Variants in PROM1 observed in about 807,000 individuals in gnomAD.
PROM1 encodes the protein prominin-1.
A neutral mutation model predicts 116.9 loss-of-function variants in PROM1; 105 were observed. The ratio of observed to expected loss-of-function variants is 0.90; its 90% confidence interval spans 0.77 to 1.06. PROM1 has a LOEUF of 1.06. Among genes scored for constraint, PROM1 ranks in the 50% least tolerant of loss-of-function variants. PROM1 has a pLI of 0.00. For synonymous variants in PROM1, 393 were observed against 387.0 expected (o/e 1.02, Z -0.18); for missense variants, 1,122 against 1,045.2 (o/e 1.07, Z -1.01).
chr4:15,999,379 G>C, intron 14 of PROM1, among the ~76,000 whole-genome samples: 1 of 151,926 alleles, frequency 6.6e-6, no homozygotes, highest in East Asian at 2.0e-4. Flanking sequence ...GCTGAGGCAG[G>C]AGAATGGCAT....
At chr4:16,006,415 C>T (rs1401505075) in intron 13 of PROM1, 123 bp downstream of exon 13, 3 of 1,207,900 alleles carry the variant, frequency 2.5e-6, no homozygotes, top group African/African-American at 1.5e-5. Context: ...CTCCTCGCGA[C>T]CTGGGAGCTG....
chr4:15,983,739 C>T (rs561356119), intron 23 of PROM1, among the ~76,000 whole-genome samples: 1 of 152,116 alleles, frequency 6.6e-6, no homozygotes, highest in Non-Finnish European at 1.5e-5. Flanking sequence ...TATGAGGAAT[C>T]CTGATCTTTA....
intron 23 of PROM1, among the ~76,000 whole-genome samples, chr4:15,982,385 T>TTC (rs1315868869): frequency 6.6e-6 from 1 of 152,214 alleles, no homozygotes; most frequent in African/African-American, 2.4e-5. Flanking sequence ...TCTGTTAGAT[T>TTC]TCTGTTTTCA....
intron 2 of PROM1, among the ~76,000 whole-genome samples, chr4:16,047,999 T>C (rs1401436780): frequency 1.3e-5 from 2 of 152,206 alleles, no homozygotes; most frequent in African/African-American, 4.8e-5. Context: ...AAATGCCTTT[T>C]GAAAAGACTT....
intron 14 of PROM1, 149 bp downstream of exon 14, chr4:16,000,347 A>G (rs1723450971): frequency 1.5e-6 from 1 of 655,170 alleles, no homozygotes; most frequent in Admixed American, 4.1e-5. Flanking sequence ...ATATTTGAAA[A>G]TTTATTGAAT....
intron 19 of PROM1, among the ~76,000 whole-genome samples, chr4:15,988,684 T>C (rs1404947903): frequency 6.6e-6 from 1 of 152,222 alleles, no homozygotes; most frequent in Non-Finnish European, 1.5e-5. Context: ...CAAAGGGTCC[T>C]GTGTACTTGG....
rs371004406 is a variant in PROM1 at position 15,985,768 on chromosome 4, C to G, written c.2272G>C (p.Glu758Gln). ...AAAGATAAACTACTTACAGAGAACT[C>G]GATCCACTGCAGATAATGTTCAAAA... ...GYFEHYLQWI[E>Q]FSISEKVASC... The change falls in exon 22 of 28, where the codon GAG becomes CAG. Residue 758 changes from glutamate (E) to glutamine (Q), a missense_variant. Glu to Gln is a conservative substitution (Grantham distance 29). Transcript: ENST00000447510. The G allele has an allele frequency of 6.4e-7, 1 of 1,564,624 alleles. No homozygotes were observed. Among genetic ancestry groups the G allele is most frequent in the Non-Finnish European group, 8.8e-7 (1 of 1,139,544 alleles).
chr4:16,037,465 G>A (rs1033529885), intron 3 of PROM1, among the ~76,000 whole-genome samples: 8 of 152,080 alleles, frequency 5.3e-5, no homozygotes, highest in African/African-American at 1.9e-4. Context: ...CTTTTCTCTT[G>A]AGTATAATTT....
At chr4:16,074,066 T>C (rs920850582) in intron 2 of PROM1, among the ~76,000 whole-genome samples, 2 of 152,182 alleles carry the variant, frequency 1.3e-5, no homozygotes, top group African/African-American at 4.8e-5. Flanking sequence ...TCTATGCCTT[T>C]TATATTAAAA....
chr4:15,992,653 A>G (rs1721367653), intron 16 of PROM1, among the ~76,000 whole-genome samples: 1 of 152,168 alleles, frequency 6.6e-6, no homozygotes, highest in Admixed American at 6.5e-5. Context: ...TCAAACCACA[A>G]AAGACAAAAA....
intron 1 of PROM1, among the ~76,000 whole-genome samples, chr4:16,081,840 T>C (rs1470634354): frequency 1.3e-5 from 2 of 151,976 alleles, no homozygotes; most frequent in East Asian, 3.8e-4. Context: ...GAAGGAAGTT[T>C]AGAAATCAGA....
At chr4:16,002,214 G>GA (rs1005096921) in intron 13 of PROM1, among the ~76,000 whole-genome samples, 31 of 151,198 alleles carry the variant, frequency 2.1e-4, no homozygotes, top group African/African-American at 3.9e-4. Context: ...TGTCGAAAAA[G>GA]AAAAAAAACA....
chr4:16,030,752 A>T (rs1428510350), intron 5 of PROM1, among the ~76,000 whole-genome samples: 1 of 152,168 alleles, frequency 6.6e-6, no homozygotes, highest in African/African-American at 2.4e-5. Flanking sequence ...TGAAAAAGAA[A>T]CCCATTGTAG....
intron 2 of PROM1, among the ~76,000 whole-genome samples, chr4:16,071,624 T>G (rs953993849): frequency 2.0e-5 from 3 of 152,174 alleles, no homozygotes; most frequent in African/African-American, 7.2e-5. Flanking sequence ...TCCAGGAGCC[T>G]GCACCCAGGA....
Position 16,018,282 on chromosome 4 carries a change from A to G in PROM1, c.1002+41T>C, listed in dbSNP as rs753143327. The G allele has an allele frequency of 3.8e-6, 6 of 1,592,040 alleles. No individual in the cohort carries two copies. The African/African-American group carries it at 6.7e-5, about 18-fold the overall frequency. ...CGCTTAGCCCTGCCCGGCAATCCCC[A>G]GCATGCAGCCCTTGACCATGGCAAG... On this transcript the variant is annotated intron_variant, in intron 9 of 27. Coordinates refer to ENST00000447510, the MANE Select transcript of PROM1 (RefSeq NM_006017.3).
chr4:16,011,418 C>T (rs1726857230), intron 11 of PROM1, among the ~76,000 whole-genome samples: 2 of 152,204 alleles, frequency 1.3e-5, no homozygotes, highest in African/African-American at 4.8e-5. Flanking sequence ...ATGAGACAAC[C>T]TAAACACGAG....
intron 13 of PROM1, 66 bp from the exon 14 acceptor site, chr4:16,000,685 T>A: frequency 7.5e-7 from 1 of 1,329,920 alleles, no homozygotes. Context: ...TGATACTTAC[T>A]AAATCTACCT....
chr4:15,987,253 G>C (rs1385573610), intron 20 of PROM1, among the ~76,000 whole-genome samples: 2 of 152,176 alleles, frequency 1.3e-5, no homozygotes, highest in Admixed American at 1.3e-4. Flanking sequence ...CCCCAGACAG[G>C]AGCTGCTCCT....
chr4:16,071,580 A>G (rs1742833529), intron 2 of PROM1, among the ~76,000 whole-genome samples: 1 of 152,082 alleles, frequency 6.6e-6, no homozygotes, highest in Non-Finnish European at 1.5e-5. Context: ...GCCTGATGGG[A>G]TTAGAGAAAG....
Sources: gnomAD v4.1 joint callset for allele counts (sites outside exome capture counted in the v4.1 genomes callset) on GRCh38, gnomAD v4.1.1 for gene constraint, MANE v1.5 for transcripts, NCBI Gene and HGNC (gene_info 2026-07-23, HGNC 2026-07-21) for gene names.